The following GPD1L variants were observed in gnomAD, a reference collection of about 807,000 sequenced individuals.
GPD1L encodes the protein glycerol-3-phosphate dehydrogenase 1-like protein.
Under a neutral mutation model 32.9 loss-of-function variants are expected in GPD1L, and 17 were observed. The ratio of observed to expected loss-of-function variants is 0.52; its 90% CI spans 0.35 to 0.78. The LOEUF is 0.78. GPD1L is among the 30% of genes least tolerant of loss of function. The pLI, the probability that GPD1L is intolerant of heterozygous loss-of-function variation, is 0.01. For synonymous variants in GPD1L, 187 were observed against 165.9 expected (o/e 1.13, Z -0.98); for missense variants, 361 against 447.8 (o/e 0.81, Z 1.75).
chr3:32,123,162 A>G (rs1170602791), intron 1 of GPD1L, among the ~76,000 whole-genome samples: 1 of 152,184 alleles, frequency 6.6e-6, no homozygotes, highest in Non-Finnish European at 1.5e-5. Flanking sequence ...TTAGCCTCCC[A>G]GTGTGCTGAG....
At chr3:32,138,547 T>C (rs770912333) in intron 2 of GPD1L, 40 bp from the exon 3 acceptor site, 4 of 1,607,042 alleles carry the variant, frequency 2.5e-6, no homozygotes, top group East Asian at 2.2e-5. Context: ...CAAGGTTTGA[T>C]ATAAGAGGAG....
rs1700172829 is a variant in GPD1L, at chr3:32,106,891, G to C, written c.47+133G>C. 1.2e-6 allele frequency: 1 copy of C among 811,990 alleles called. No homozygotes were observed. Among genetic ancestry groups the C allele is most frequent in the Non-Finnish European group, 1.7e-6 (1 of 585,078 alleles). The allele number at this position is 811,990 out of a possible 1,614,324, so 50.3% of individuals were successfully genotyped here. A position where few individuals can be genotyped will look rare whatever the true frequency, so the allele number is the denominator to read the frequency against. On this transcript the variant is annotated intron_variant, in intron 1 of 7. Coordinates refer to ENST00000282541, the MANE Select transcript of GPD1L (RefSeq NM_015141.4). The surrounding 1 kb of genome is among the most constrained non-coding windows in gnomAD (Gnocchi z 4.0). ...GCAGGGAGGCGGGGTGGGCGACCTC[G>C]TTGCTGGGCTGGGCACCGTGCGCCC...
chr3:32,149,683 C>A (rs978504808), intron 5 of GPD1L, among the ~76,000 whole-genome samples: 1 of 152,206 alleles, frequency 6.6e-6, no homozygotes, highest in Non-Finnish European at 1.5e-5. Flanking sequence ...CATGGTGGCT[C>A]ACACCTGTAA....
chr3:32,122,990 G>A (rs1700443927), intron 1 of GPD1L, among the ~76,000 whole-genome samples: 1 of 152,086 alleles, frequency 6.6e-6, no homozygotes, highest in Non-Finnish European at 1.5e-5. Flanking sequence ...CTGCAGCCTT[G>A]ACCTCCTGGG....
At chr3:32,155,238 T>TGAGGTGTTCTCAGTGGGGGG in intron 5 of GPD1L, among the ~76,000 whole-genome samples, 1 of 152,120 alleles carries the variant, frequency 6.6e-6, no homozygotes, top group East Asian at 1.9e-4. Flanking sequence ...CTTTTACCAG[T>TGAGGTGTTCTCAGTGGGGGG]GAGGTGTTCT....
chr3:32,138,934 A>C (rs897968981), intron 3 of GPD1L, among the ~76,000 whole-genome samples: 2 of 152,150 alleles, frequency 1.3e-5, no homozygotes, highest in African/African-American at 4.8e-5. Context: ...GCAGCAGACT[A>C]GCAGCAGCAG....
intron 1 of GPD1L, among the ~76,000 whole-genome samples, chr3:32,115,722 T>G (rs1700322451): frequency 6.7e-6 from 1 of 148,320 alleles, no homozygotes; most frequent in African/African-American, 2.5e-5. Context: ...GATGGAAATG[T>G]CTTCAAGCAT....
At chr3:32,158,769 G>T in intron 5 of GPD1L, 107 bp from the exon 6 acceptor site, 1 of 1,543,836 alleles carries the variant, frequency 6.5e-7, no homozygotes, top group Non-Finnish European at 8.7e-7. Flanking sequence ...TGAAGATGGA[G>T]CCAATGTCCC....
At chr3:32,146,206 C>A (rs1240201921) in intron 4 of GPD1L, among the ~76,000 whole-genome samples, 2 of 151,660 alleles carry the variant, frequency 1.3e-5, no homozygotes, top group Non-Finnish European at 2.9e-5. Context: ...CCTGCCTCAA[C>A]CTCCTGAGTA....
At chr3:32,117,096 T>C (rs1265211723) in intron 1 of GPD1L, among the ~76,000 whole-genome samples, 1 of 152,256 alleles carries the variant, frequency 6.6e-6, no homozygotes. Flanking sequence ...ATTTTCTCCT[T>C]GCTTTTTCAT....
rs3749278 is a variant in GPD1L at position 32,167,738 on chromosome 3, T to C, written c.*1828T>C. On this transcript the variant is annotated 3_prime_UTR_variant, in exon 8 of 8. Transcript: ENST00000282541. ...TGTGAGATTTGGGCCTGTCCCTCAA[T>C]GCCAGTTTAGGATTTCTTTTTTTCT... 0.48 allele frequency: 72,925 copies of C among 152,422 alleles called. 18,771 individuals carry two copies. Among genetic ancestry groups the C allele is most frequent in the African/African-American group, 0.65 (26,997 of 41,506 alleles). 9.4% of individuals were successfully genotyped at this position (152,422 alleles called of 1,614,324 possible).
intron 5 of GPD1L, among the ~76,000 whole-genome samples, chr3:32,148,652 A>G (rs1700868211): frequency 6.6e-6 from 1 of 152,168 alleles, no homozygotes; most frequent in Admixed American, 6.5e-5. Context: ...ACACTGGCAC[A>G]CTCGGAGCGT....
intron 1 of GPD1L, among the ~76,000 whole-genome samples, chr3:32,109,764 G>C (rs1372406875): frequency 6.6e-6 from 1 of 152,232 alleles, no homozygotes; most frequent in African/African-American, 2.4e-5. Context: ...TCTGACCAGG[G>C]ATGCAGACAC....
chr3:32,145,437 C>A (rs1049467071), intron 4 of GPD1L, among the ~76,000 whole-genome samples: 1 of 152,176 alleles, frequency 6.6e-6, no homozygotes, highest in Admixed American at 6.5e-5. Flanking sequence ...ATGGGCATTG[C>A]GTTATTTGCA....
chr3:32,159,472 A>G (rs1559583235), intron 6 of GPD1L, 96 bp from the exon 7 acceptor site: 1 of 853,294 alleles, frequency 1.2e-6, no homozygotes, highest in Non-Finnish European at 1.9e-6. Context: ...CTCTAAAAAA[A>G]AAAAAAAAGA....
intron 5 of GPD1L, among the ~76,000 whole-genome samples, chr3:32,157,409 T>C (rs1176175874): frequency 2.6e-5 from 4 of 152,180 alleles, no homozygotes; most frequent in Non-Finnish European, 4.4e-5. Context: ...TGTCAGCTCC[T>C]TGAGGACAAG....
chr3:32,158,863 A>T lies in GPD1L; in HGVS notation c.619-13A>T, dbSNP rs965373652. ...GCTGTAACGGCATCTGGGCTTTGTC[A>T]TCTCCTTTGCAGAACATCGTAGCTG... On this transcript the variant is annotated splice_polypyrimidine_tract_variant and intron_variant, in intron 5 of 7. Coordinates refer to ENST00000282541, the MANE Select transcript of GPD1L (RefSeq NM_015141.4). 1 of 1,613,254 alleles carries T rather than the reference A, an allele frequency of 6.2e-7. No homozygotes were observed. Among genetic ancestry groups the T allele is most frequent in the Non-Finnish European group, 8.5e-7 (1 of 1,179,648 alleles).
intron 7 of GPD1L, among the ~76,000 whole-genome samples, chr3:32,165,029 C>A (rs1340640080): frequency 1.3e-5 from 2 of 152,108 alleles, no homozygotes; most frequent in East Asian, 3.9e-4. Flanking sequence ...CATGGTAAAA[C>A]CCCGTCTCTA....
At chr3:32,147,467 C>T (rs1177651110) in intron 5 of GPD1L, among the ~76,000 whole-genome samples, 1 of 152,058 alleles carries the variant, frequency 6.6e-6, no homozygotes, top group African/African-American at 2.4e-5. Flanking sequence ...GGGCTCCTGA[C>T]TTGTTGGCTG....
Sources: gnomAD v4.1 joint callset for allele counts (sites outside exome capture counted in the v4.1 genomes callset) on GRCh38, gnomAD v4.1.1 for gene constraint, Gnocchi (gnomAD v3.1) non-coding constraint, MANE v1.5 for transcripts, NCBI Gene and HGNC (gene_info 2026-07-23, HGNC 2026-07-21) for gene names.